The following ABCC3 variants were observed in gnomAD, a reference collection of about 807,000 sequenced individuals.
The protein encoded by ABCC3 is ATP binding cassette subfamily C member 3, also known as ATP-binding cassette sub-family C member 3.
ABCC3 carries 121 observed loss-of-function variants against 165.3 expected under a neutral mutation model. The ratio of observed to expected loss-of-function variants is 0.73; its 90% CI spans 0.63 to 0.85. ABCC3 has a LOEUF of 0.85. ABCC3 is among the 40% of genes least tolerant of loss of function. The pLI, the probability that ABCC3 is intolerant of heterozygous loss-of-function variation, is 0.00. For synonymous variants in ABCC3, 733 were observed against 810.1 expected, an observed-to-expected ratio of 0.90 and a Z score of 1.62; for missense variants, 1,869 against 1,964.1, an observed-to-expected ratio of 0.95 and a Z score of 0.92.
intron 30 of ABCC3, 24 bp from the exon 31 acceptor site, chr17:50,691,068 A>T: frequency 6.3e-7 from 1 of 1,588,078 alleles, no homozygotes; most frequent in Non-Finnish European, 8.6e-7. Context: ...TGGAAACCTG[A>T]CCACTTCTCT....
rs1213937815 is a variant in ABCC3, at chr17:50,673,465, C to T, written c.2410-4C>T. ...GGGGTGAGAGCCTGCTGCCTTCTCC[C>T]CAGACGCGAGTGCTGGTGACGCACG... On this transcript the variant is annotated splice_region_variant and splice_polypyrimidine_tract_variant and intron_variant, in intron 18 of 30. Coordinates refer to ENST00000285238, the MANE Select transcript of ABCC3 (RefSeq NM_003786.4). 3 of 1,613,566 alleles carry T rather than the reference C, an allele frequency of 1.9e-6. No individual in the cohort carries two copies. Among genetic ancestry groups the T allele is most frequent in the Admixed American group, 1.7e-5 (1 of 59,978 alleles).
intron 1 of ABCC3, among the ~76,000 whole-genome samples, chr17:50,652,222 C>G (rs1015732662): frequency 6.6e-6 from 1 of 152,142 alleles, no homozygotes; most frequent in Admixed American, 6.5e-5. Context: ...TAAACATAAA[C>G]AGCAACAGAT....
At chr17:50,666,756 A>G (rs1967534632) in intron 11 of ABCC3, among the ~76,000 whole-genome samples, 2 of 152,250 alleles carry the variant, frequency 1.3e-5, no homozygotes, top group Non-Finnish European at 2.9e-5. Context: ...CTCCATAAAT[A>G]GGGGTTGAAT....
At chr17:50,686,163 T>TAG (rs749910040) in intron 29 of ABCC3, among the ~76,000 whole-genome samples, 43,320 of 152,122 alleles carry the variant, frequency 0.28, 6,360 homozygotes, top group African/African-American at 0.33. Flanking sequence ...CACTGCACTC[T>TAG]AGCCTGGGTG....
intron 1 of ABCC3, among the ~76,000 whole-genome samples, chr17:50,654,162 TAAA>T (rs1967174807): frequency 6.6e-6 from 1 of 152,066 alleles, no homozygotes; most frequent in African/African-American, 2.4e-5. Flanking sequence ...TTGATAAAAA[TAAA>T]AATAATAATT....
intron 17 of ABCC3, 55 bp downstream of exon 17, chr17:50,669,583 A>C: frequency 6.3e-7 from 1 of 1,581,268 alleles, no homozygotes; most frequent in Admixed American, 1.7e-5. Flanking sequence ...GCCCACCTCA[A>C]CCCAGCCCAG....
chr17:50,659,287 C>T lies in ABCC3; in HGVS notation c.725C>T (p.Ser242Phe). ...RHPLEEKDLWSLKEEDRSQMV... is the reference protein window; with the variant it reads ...RHPLEEKDLWFLKEEDRSQMV... ...CCCCTGGAGGAGAAGGACCTCTGGT[C>T]CCTAAAGGAAGAGGACAGATCCCAG... The change falls in exon 7 of 31, where the codon TCC becomes TTC. Residue 242 changes from serine to phenylalanine, a missense_variant. Transcript: ENST00000285238. 6.2e-7 allele frequency: 1 copy of T among 1,613,936 alleles called. No homozygotes were observed. The highest frequency in any genetic ancestry group is 8.5e-7 in the Non-Finnish European group (1 of 1,179,884).
chr17:50,653,330 GA>G (rs1967150063), intron 1 of ABCC3, among the ~76,000 whole-genome samples: 1 of 127,980 alleles, frequency 7.8e-6, no homozygotes, highest in African/African-American at 3.1e-5. Context: ...TGGGGGCCAA[GA>G]GCGAGACTGT....
At chr17:50,635,388 G>T in intron 1 of ABCC3, 1 of 677,800 alleles carries the variant, frequency 1.5e-6, no homozygotes, top group Admixed American at 2.1e-5. Flanking sequence ...CCTCAGGTTA[G>T]GACTCGGTTG....
intron 30 of ABCC3, among the ~76,000 whole-genome samples, chr17:50,690,025 G>A (rs1327020301): frequency 6.6e-6 from 1 of 152,224 alleles, no homozygotes; most frequent in Non-Finnish European, 1.5e-5. Context: ...AGGGTGGCCA[G>A]GACACTTTCT....
intron 26 of ABCC3, among the ~76,000 whole-genome samples, chr17:50,682,769 C>A (rs76680583): frequency 6.6e-6 from 1 of 152,200 alleles, no homozygotes. Flanking sequence ...TCTACTAGAA[C>A]ATAAATCTCA....
In ABCC3 at chr17:50,683,706, C is replaced by G; in HGVS notation, c.3904C>G (p.Leu1302Val). ...TTATTCTGTGCGCTACCGGCCGGGCCTAGACCTGGTGCTGAGAGACCTGAG... is the reference window on the plus strand; with the variant it reads ...TTATTCTGTGCGCTACCGGCCGGGCGTAGACCTGGTGCTGAGAGACCTGAG... The part of the protein sequence containing the change: ...RNYSVRYRPG[L>V]DLVLRDLSLH... The change falls in exon 27 of 31, where the codon CTA becomes GTA. Residue 1302 changes from leucine to valine, a missense_variant. By Grantham distance (32) the Leu-to-Val change is conservative. Coordinates refer to ENST00000285238, the MANE Select transcript of ABCC3 (RefSeq NM_003786.4). The G allele has an allele frequency of 6.2e-7, 1 of 1,609,082 alleles. No individual in the cohort carries two copies. The highest frequency in any genetic ancestry group is 8.5e-7 in the Non-Finnish European group (1 of 1,178,060).
rs1967587564 is a variant in ABCC3 at position 50,669,140 on chromosome 17, C to T, written c.1938C>T (p.Ser646=). ...GGACTCCTGGGGTCCTTGCCCCCAG[C>T]CTAGACATCCAGGTCCCGAAAGGGG... The part of the protein sequence containing the change: ...WAQDLPPTLH[S]LDIQVPKGAL... Residue 646 remains serine (S), a splice_region_variant and synonymous_variant, in exon 16 of 31, where the codon AGC becomes AGT. Coordinates refer to ENST00000285238, the MANE Select transcript of ABCC3 (RefSeq NM_003786.4). 6.3e-7 allele frequency: 1 copy of T among 1,597,084 alleles called. No homozygotes were observed. The highest frequency in any genetic ancestry group is 1.4e-5 in the African/African-American group (1 of 73,648).
In ABCC3 at chr17:50,683,629, G is replaced by A; in HGVS notation, c.3827G>A (p.Gly1276Asp). 1 of 1,583,142 alleles carries A rather than the reference G, an allele frequency of 6.3e-7. No homozygotes were observed. The highest frequency in any genetic ancestry group is 8.6e-7 in the Non-Finnish European group (1 of 1,164,952). ...TGCCAGGCGCCCTGGGTGGTGGAAG[G>A]CAGCCGCCCTCCCGAAGGTTGGCCC... ...TETEAPWVVE[G>D]SRPPEGWPPR... The change falls in exon 27 of 31, where the codon GGC (glycine) becomes GAC (aspartate). Residue 1276 changes from glycine to aspartate, a missense_variant. Transcript: ENST00000285238.
intron 1 of ABCC3, among the ~76,000 whole-genome samples, chr17:50,653,980 C>G (rs1017911887): frequency 6.6e-6 from 1 of 152,184 alleles, no homozygotes; most frequent in East Asian, 1.9e-4. Context: ...ACAAGAAACT[C>G]TCATGTTAGG....
intron 7 of ABCC3, among the ~76,000 whole-genome samples, chr17:50,659,915 G>A (rs114697279): frequency 0.017 from 2,658 of 152,242 alleles, 80 homozygotes; most frequent in African/African-American, 0.061. Context: ...GAGCCCAAGA[G>A]GTCAAGGCTA....
Position 50,691,453 on chromosome 17 carries a change from A to G in ABCC3, c.*253A>G. On this transcript the variant is annotated 3_prime_UTR_variant, in exon 31 of 31. Transcript: ENST00000285238. ...CTAGTCCCCGGTCTCCCGATTCCCAACTGAGTGTTATTTGCACACTGCACT... is the reference window on the plus strand; with the variant it reads ...CTAGTCCCCGGTCTCCCGATTCCCAGCTGAGTGTTATTTGCACACTGCACT... 2.4e-6 allele frequency: 1 copy of G among 409,936 alleles called. No individual in the cohort carries two copies. Among genetic ancestry groups the G allele is most frequent in the South Asian group, 3.1e-5 (1 of 32,646 alleles). The allele number at this position is 409,936 out of a possible 1,614,324, so 25.4% of individuals were successfully genotyped here. A position where few individuals can be genotyped will look rare whatever the true frequency, so the allele number is the denominator to read the frequency against.
Position 50,677,785 on chromosome 17 carries a change from ATCAG to A in ABCC3, c.3425_3428del (p.Val1142AlafsTer13), listed in dbSNP as rs1246207534. On this transcript the variant is annotated frameshift_variant, in exon 24 of 31. Transcript: ENST00000285238. LOFTEE classifies it high-confidence loss of function. The stretch of plus-strand genomic sequence containing the variant: ...CATCACGGCAACTGAAGCGGCTGGA[ATCAG>A]TCAGCCGCTCACCTATCTACTCCCA... 5 of 1,614,064 alleles carry A rather than the reference ATCAG, an allele frequency of 3.1e-6. No homozygotes were observed. The highest frequency in any genetic ancestry group is 2.2e-5 in the East Asian group (1 of 44,878).
chr17:50,684,190 A>T (rs952619420), intron 28 of ABCC3, 83 bp downstream of exon 28: 1 of 1,520,374 alleles, frequency 6.6e-7, no homozygotes, highest in Admixed American at 2.3e-5. Context: ...TAGGATGGAG[A>T]CTGGGACCCC....
Sources: gnomAD v4.1 joint callset for allele counts (sites outside exome capture counted in the v4.1 genomes callset) on GRCh38, gnomAD v4.1.1 for gene constraint, MANE v1.5 for transcripts, NCBI Gene and HGNC (gene_info 2026-07-23, HGNC 2026-07-21) for gene names.